CEP170B: variants seen among roughly 807,000 people sequenced by gnomAD.
CEP170B encodes the protein centrosomal protein 170B, also known as centrosomal protein of 170 kDa protein B.
CEP170B carries 55 observed loss-of-function variants against 120.6 expected under a neutral mutation model. That is an observed-to-expected ratio of 0.46 (90% CI 0.37 to 0.57). CEP170B has a LOEUF of 0.57. Ranked by LOEUF, CEP170B falls within the 20% of genes least tolerant of loss-of-function variation. The probability of loss-of-function intolerance (pLI) is 0.00; values close to 1 mark genes in which losing one functional copy is unlikely to be tolerated. For missense variants in CEP170B, 2,212 were observed against 2,253.3 expected, an observed-to-expected ratio of 0.98 and a Z score of 0.37; for synonymous variants, 1,033 against 954.5, an observed-to-expected ratio of 1.08 and a Z score of -1.52.
rs1451858931 is a variant in CEP170B, at chr14:104,885,414, G to A, written c.1816G>A (p.Ala606Thr). ...ESPELSRASS[A>T]TFRPVIRGDR... ...CCCTGAACTCTCCAGGGCATCTTCG[G>A]CCACCTTTCGCCCAGTCATCAGAGG... Residue 606 changes from alanine to threonine, a missense_variant, in exon 10 of 19, where the codon GCC becomes ACC. Physicochemically the swap from Ala to Thr is moderately conservative, Grantham distance 58 (BLOSUM62 0). Coordinates refer to ENST00000414716, the MANE Select transcript of CEP170B (RefSeq NM_001112726.3). 6.4e-7 allele frequency: 1 copy of A among 1,566,794 alleles called. No individual in the cohort carries two copies. Among genetic ancestry groups the A allele is most frequent in the East Asian group, 2.4e-5 (1 of 42,328 alleles).
intron 8 of CEP170B, 87 bp from the exon 9 acceptor site, chr14:104,883,744 T>G: frequency 1.5e-6 from 2 of 1,321,464 alleles, no homozygotes; most frequent in Non-Finnish European, 2.0e-6. Flanking sequence ...TCAACTCAGC[T>G]AAGGCATGGG....
rs534794812 is a variant in CEP170B at position 104,891,303 on chromosome 14, A to G, written c.3878+1545A>G. 7.2e-5 allele frequency among the ~76,000 whole-genome samples: 11 copies of G among 152,044 alleles called. No homozygotes were observed. The highest frequency in any genetic ancestry group is 1.5e-4 in the Non-Finnish European group (10 of 67,980). ...TTGCCAAGCAGTGGTCAGTACTGCA[A>G]AGGCAGTCCCTGAAAGGCTGTGGGG... is the stretch of plus-strand genomic sequence containing the variant. On this transcript the variant is annotated intron_variant, in intron 13 of 18. Coordinates refer to ENST00000414716, the MANE Select transcript of CEP170B (RefSeq NM_001112726.3). The surrounding 1 kb of genome is among the most constrained non-coding windows in gnomAD (Gnocchi z 4.3).
At position 104,880,273 on chromosome 14, in the gene CEP170B, T is replaced by C; in HGVS notation, c.334-14T>C. On this transcript the variant is annotated splice_polypyrimidine_tract_variant and intron_variant, in intron 5 of 18. Coordinates refer to ENST00000414716, the MANE Select transcript of CEP170B (RefSeq NM_001112726.3). ...GCTGGGCCCAGTACCTCACCCCGCC[T>C]GGCCTGCCCACAGCATGAAAAGTAC... 1.3e-6 allele frequency: 2 copies of C among 1,582,552 alleles called. No individual in the cohort carries two copies. The highest frequency in any genetic ancestry group is 1.7e-6 in the Non-Finnish European group (2 of 1,165,448).
At position 104,887,184 on chromosome 14, in the gene CEP170B, A is replaced by G. The variant is rs1348331385; in HGVS notation, c.2945A>G (p.Gln982Arg). 4 of 1,607,060 alleles carry G rather than the reference A, an allele frequency of 2.5e-6. No homozygotes were observed. Among genetic ancestry groups the G allele is most frequent in the Admixed American group, 3.3e-5 (2 of 59,992 alleles). ...SPTTPQPLRAQKEMSPSPPAA... is the reference protein window; with the variant it reads ...SPTTPQPLRARKEMSPSPPAA... ...ACAACCCCCCAGCCTCTGCGGGCAC[A>G]GAAGGAGATGTCGCCATCCCCGCCA... is the stretch of plus-strand genomic sequence containing the variant. The change falls in exon 12 of 19, where the codon CAG (glutamine) becomes CGG (arginine). Residue 982 changes from glutamine (Q) to arginine (R), a missense_variant. Transcript: ENST00000414716.
At chr14:104,879,155 G>A (rs888069771) in intron 5 of CEP170B, among the ~76,000 whole-genome samples, 71 of 152,232 alleles carry the variant, frequency 4.7e-4, no homozygotes, top group African/African-American at 1.6e-3. Context: ...AAGCTGAAGG[G>A]ATTAAGAGTC....
At position 104,876,336 on chromosome 14, in the gene CEP170B, C is replaced by T. The variant is rs1895844398; in HGVS notation, c.186C>T (p.Ser62=). 3.2e-6 allele frequency: 5 copies of T among 1,550,734 alleles called. No homozygotes were observed. Among genetic ancestry groups the T allele is most frequent in the Non-Finnish European group, 8.7e-7 (1 of 1,146,786 alleles). ...RDEHWVKDLG[S]LNGTFVNDMR... is the part of the protein sequence containing the mutation. The stretch of plus-strand genomic sequence containing the variant: ...AGCACTGGGTGAAGGACCTGGGCAG[C>T]CTCAATGGGGTAAGTGTGAGAGGCC... Residue 62 remains serine (S), a synonymous_variant, in exon 3 of 19, where the codon AGC becomes AGT. Transcript: ENST00000414716.
chr14:104,873,898 TC>T (rs1895700749), intron 2 of CEP170B, among the ~76,000 whole-genome samples: 1 of 152,032 alleles, frequency 6.6e-6, no homozygotes, highest in South Asian at 2.1e-4. Context: ...CAGCAGCAGG[TC>T]CCCCTGGCCC....
At position 104,886,547 on chromosome 14, in the gene CEP170B, CGCAGGA is replaced by C. The variant is rs60001925; in HGVS notation, c.2311_2316del (p.Arg771_Ser772del). On this transcript the variant is annotated inframe_deletion, in exon 12 of 19. Transcript: ENST00000414716. ...AGGGGTGGAGCCACAGGACAGCAGACGCAGGAGCCCCCAGGAGGGGCCCACGTGGAG... is the reference window on the plus strand; with the variant it reads ...AGGGGTGGAGCCACAGGACAGCAGACGCCCCCAGGAGGGGCCCACGTGGAG... 119,998 of 1,508,440 alleles carry C rather than the reference CGCAGGA, an allele frequency of 0.08. 5,138 individuals carry two copies. Among genetic ancestry groups the C allele is most frequent in the Middle Eastern group, 0.11 (619 of 5,592 alleles). 93.4% of individuals were successfully genotyped at this position (1,508,440 alleles called of 1,614,324 possible).
intron 12 of CEP170B, 27 bp from the exon 13 acceptor site, chr14:104,889,593 A>G: frequency 6.2e-7 from 1 of 1,608,078 alleles, no homozygotes; most frequent in Non-Finnish European, 8.5e-7. Context: ...GGCTCCCCCA[A>G]ACACACACGC....
intron 1 of CEP170B, among the ~76,000 whole-genome samples, chr14:104,866,556 AG>A (rs1895218512): frequency 1.3e-5 from 2 of 152,086 alleles, no homozygotes; most frequent in African/African-American, 2.4e-5. Flanking sequence ...TAGGAAGGGC[AG>A]GGCCCCCAGA....
At position 104,886,856 on chromosome 14, in the gene CEP170B, C is replaced by T. The variant is rs751308600; in HGVS notation, c.2617C>T (p.Pro873Ser). The change falls in exon 12 of 19, where the codon CCA becomes TCA. Residue 873 changes from proline (P) to serine (S), a missense_variant. Physicochemically the swap from Pro to Ser is moderately conservative, Grantham distance 74. This residue lies in a region of CEP170B where 2,166 missense variants were observed against 2,166.7 expected (regional missense o/e 1.00). Coordinates refer to ENST00000414716, the MANE Select transcript of CEP170B (RefSeq NM_001112726.3). ...FLRQESFTKE[P>S]ASGPPAPGKP... ...CCGGCAAGAGAGCTTCACTAAGGAG[C>T]CAGCCAGTGGTCCCCCAGCGCCCGG... 1 of 1,610,854 alleles carries T rather than the reference C, an allele frequency of 6.2e-7. No homozygotes were observed.
chr14:104,880,397 G>A lies in CEP170B; in HGVS notation c.444G>A (p.Pro148=), dbSNP rs368280335. ...ACTGCGAGGCCTCGAACCCCAGGCC[G>A]GAGAAGGGGGACCGGAGACCAGGAA... ...TPYCEASNPR[P]EKGDRRPGTE... The change falls in exon 6 of 19, where the codon CCG becomes CCA. Residue 148 remains proline, a synonymous_variant. Coordinates refer to ENST00000414716, the MANE Select transcript of CEP170B (RefSeq NM_001112726.3). 65 of 1,612,430 alleles carry A rather than the reference G, an allele frequency of 4.0e-5. No homozygotes were observed. The highest frequency in any genetic ancestry group is 1.6e-4 in the Middle Eastern group (1 of 6,070).
Position 104,889,746 on chromosome 14 carries a change from C to T in CEP170B, c.3866C>T (p.Ala1289Val), listed in dbSNP as rs201047853. The T allele has an allele frequency of 5.9e-5, 94 of 1,602,028 alleles. No individual in the cohort carries two copies. Among genetic ancestry groups the T allele is most frequent in the Admixed American group, 8.4e-5 (5 of 59,570 alleles). The change falls in exon 13 of 19, where the codon GCG becomes GTG. Residue 1289 changes from alanine (A) to valine (V), a missense_variant. Ala to Val is a moderately conservative substitution (Grantham distance 64, BLOSUM62 0). Around this residue, in one of 2 missense-constraint regions of CEP170B, gnomAD observed 2,166 missense variants for 2,166.7 expected, o/e 1.00. Coordinates refer to ENST00000414716, the MANE Select transcript of CEP170B (RefSeq NM_001112726.3). Reference protein sequence around the residue: ...YGFIVQTAEIAEIARLSQTLV... With the variant: ...YGFIVQTAEIVEIARLSQTLV... ...TTCATCGTGCAGACGGCAGAGATTG[C>T]GGAGATTGCCAGGTGAGTAGCCCAT...
chr14:104,884,954 T>G (rs1439371554), intron 9 of CEP170B, among the ~76,000 whole-genome samples: 8 of 59,552 alleles, frequency 1.3e-4, no homozygotes, highest in South Asian at 7.0e-4. Context: ...GAACGGGGGG[T>G]GGAGGCGATG....
chr14:104,884,363 TCCC>T lies in CEP170B; in HGVS notation c.1586_1588del (p.Pro529del), dbSNP rs1488113804. On this transcript the variant is annotated inframe_deletion, in exon 9 of 19. Transcript: ENST00000414716. ...AGAAGGTTCCTCCGGTGCTGCCCGC[TCCC>T]CTGACACCCCATGGGACCAGCCCCG... 1.3e-6 allele frequency: 2 copies of T among 1,544,644 alleles called. No individual in the cohort carries two copies. Among genetic ancestry groups the T allele is most frequent in the Non-Finnish European group, 1.7e-6 (2 of 1,145,536 alleles).
intron 6 of CEP170B, among the ~76,000 whole-genome samples, chr14:104,881,585 T>C (rs969604896): frequency 6.6e-6 from 1 of 152,154 alleles, no homozygotes; most frequent in Non-Finnish European, 1.5e-5. Flanking sequence ...GTCCAGACTG[T>C]GAAACACATG....
intron 7 of CEP170B, 71 bp from the exon 8 acceptor site, chr14:104,882,964 G>A: frequency 2.1e-6 from 3 of 1,458,402 alleles, no homozygotes; most frequent in Non-Finnish European, 1.8e-6. Context: ...TGGAGTGGAT[G>A]GTCCTGGCTG....
chr14:104,880,880 T>TCCCTCACCTCTTACCCCACAC (rs1247109869), intron 6 of CEP170B, among the ~76,000 whole-genome samples: 62 of 147,056 alleles, frequency 4.2e-4, no homozygotes, highest in African/African-American at 1.4e-3. Flanking sequence ...CACACCCACA[T>TCCCTCACCTCTTACCCCACAC]CCCTCACCTC....
rs1467253624 is a variant in CEP170B at position 104,883,985 on chromosome 14, G to A, written c.1206G>A (p.Gln402=). The change falls in exon 9 of 19, where the codon CAG becomes CAA. Residue 402 remains glutamine, a synonymous_variant. Transcript: ENST00000414716. ...RDPQELLHNQ[Q]AFVIEFFDED... is the part of the protein sequence containing the mutation. The stretch of plus-strand genomic sequence containing the variant: ...CCCAGGAGCTACTACATAACCAGCA[G>A]GCCTTTGTCATCGAGTTCTTCGACG... The A allele has an allele frequency of 1.9e-6, 3 of 1,610,734 alleles. No homozygotes were observed. The highest frequency in any genetic ancestry group is 2.2e-5 in the South Asian group (2 of 90,756).
Sources: gnomAD v4.1 joint callset for allele counts (sites outside exome capture counted in the v4.1 genomes callset) on GRCh38, gnomAD v4.1.1 for gene constraint, gnomAD v4.1.1 regional missense constraint, Gnocchi (gnomAD v3.1) non-coding constraint, MANE v1.5 for transcripts, NCBI Gene and HGNC (gene_info 2026-07-23, HGNC 2026-07-21) for gene names.